The following CFAP54 variants were observed in gnomAD, a reference collection of about 807,000 sequenced individuals.
The protein encoded by CFAP54 is cilia- and flagella-associated protein 54.
Under a neutral mutation model 370.4 loss-of-function variants are expected in CFAP54, and 290 were observed. That is an observed-to-expected ratio of 0.78 (90% CI 0.71 to 0.86). The LOEUF (loss-of-function observed/expected upper bound fraction) is 0.86. Ranked by LOEUF, CFAP54 falls within the 40% of genes least tolerant of loss-of-function variation. CFAP54 has a pLI of 0.00. For missense variants in CFAP54, 3,399 were observed against 3,528.7 expected (o/e 0.96, Z 0.93); for synonymous variants, 1,206 against 1,236.5 (o/e 0.98, Z 0.52).
chr12:96,758,078 C>T (rs34481), intron 58 of CFAP54, among the ~76,000 whole-genome samples: 139,014 of 152,234 alleles, frequency 0.91, 63,724 homozygotes, highest in African/African-American at 0.98. Flanking sequence ...CAGGTACTCT[C>T]ATAGAGGAAG....
intron 39 of CFAP54, among the ~76,000 whole-genome samples, chr12:96,671,676 C>A (rs543183312): frequency 1.6e-4 from 25 of 152,082 alleles, no homozygotes; most frequent in African/African-American, 6.0e-4. Flanking sequence ...AATCCCAGCA[C>A]TTTGGGAGGC....
chr12:96,823,954 TC>T lies in CFAP54; in HGVS notation c.9097-5059del, dbSNP rs770873562. ...CTGGAAAGCAACTTAGGAAGTTTTT[TC>T]TCCCCCCACCCACATTATAGATGAA... On this transcript the variant is annotated intron_variant, in intron 65 of 67. Coordinates refer to ENST00000524981, the MANE Select transcript of CFAP54 (RefSeq NM_001306084.2). 7.6e-3 allele frequency among the ~76,000 whole-genome samples: 1,154 copies of T among 152,174 alleles called. 14 individuals are homozygous for T. The highest frequency in any genetic ancestry group is 0.026 in the African/African-American group (1,068 of 41,516).
intron 67 of CFAP54, among the ~76,000 whole-genome samples, chr12:96,874,716 G>A (rs1213255740): frequency 7.1e-6 from 1 of 141,502 alleles, no homozygotes; most frequent in African/African-American, 2.7e-5. Flanking sequence ...TGCAAGCTCC[G>A]CCTCCCGGGT....
chr12:96,744,759 A>G (rs985448747), intron 55 of CFAP54, among the ~76,000 whole-genome samples: 16 of 152,102 alleles, frequency 1.1e-4, no homozygotes, highest in Admixed American at 2.6e-4. Context: ...CAGGTTTGCT[A>G]TATAGGTAAA....
Position 96,846,341 on chromosome 12 carries a change from G to C in CFAP54, c.9172-14478G>C, listed in dbSNP as rs1959344549. ...AACTTGCATCAGGCCTCTACACCCT[G>C]TGCAGGTTATTGTAGAGTTGTTGGT... On this transcript the variant is annotated intron_variant, in intron 66 of 67. Coordinates refer to ENST00000524981, the MANE Select transcript of CFAP54 (RefSeq NM_001306084.2). 4.6e-5 allele frequency among the ~76,000 whole-genome samples: 7 copies of C among 152,246 alleles called. No individual in the cohort carries two copies. The South Asian group carries it at 1.5e-3, about 32-fold the overall frequency.
chr12:96,811,810 A>C lies in CFAP54; in HGVS notation c.8925A>C (p.Thr2975=), dbSNP rs1365213077. ...SDVRHSTYNS[T]CVGSLWIPLN... ...TTAGACATTCCACTTATAACAGTAC[A>C]TGTGTTGGCTCTTTATGGATTCCAC... The change falls in exon 64 of 68, where the codon ACA becomes ACC. Residue 2975 remains threonine (T), a synonymous_variant. Transcript: ENST00000524981. 2.0e-6 allele frequency: 3 copies of C among 1,518,794 alleles called. No individual in the cohort carries two copies. Among genetic ancestry groups the C allele is most frequent in the Non-Finnish European group, 2.6e-6 (3 of 1,140,286 alleles). The allele number at this position is 1,518,794 out of a possible 1,614,324, so 94.1% of individuals were successfully genotyped here. A position where few individuals can be genotyped will look rare whatever the true frequency, so the allele number is the denominator to read the frequency against.
intron 67 of CFAP54, among the ~76,000 whole-genome samples, chr12:96,873,577 C>T (rs540967211): frequency 6.6e-6 from 1 of 152,134 alleles, no homozygotes; most frequent in Non-Finnish European, 1.5e-5. Context: ...CATAGCAGTT[C>T]CAAGACACAT....
chr12:96,521,732 T>C, intron 6 of CFAP54, 125 bp from the exon 7 acceptor site: 2 of 618,964 alleles, frequency 3.2e-6, no homozygotes, highest in Non-Finnish European at 5.4e-6. Context: ...ATAAAAGGAG[T>C]CAGCATTAAC....
At chr12:96,499,059 A>G (rs373694980) in intron 1 of CFAP54, among the ~76,000 whole-genome samples, 21 of 152,130 alleles carry the variant, frequency 1.4e-4, no homozygotes, top group African/African-American at 2.7e-4. Flanking sequence ...GCTCACTGCA[A>G]TCTCCACCTC....
At chr12:96,798,840 C>A (rs1448240453) in intron 63 of CFAP54, among the ~76,000 whole-genome samples, 4 of 152,032 alleles carry the variant, frequency 2.6e-5, no homozygotes, top group African/African-American at 7.2e-5. Flanking sequence ...TTAAAGGCAC[C>A]TTTAATGTTT....
chr12:96,798,653 G>A (rs1028474666), intron 63 of CFAP54, among the ~76,000 whole-genome samples: 2 of 152,044 alleles, frequency 1.3e-5, no homozygotes, highest in Non-Finnish European at 2.9e-5. Flanking sequence ...GTGATCTTGA[G>A]TAGATTAGTT....
chr12:96,656,522 C>T (rs1956925139), intron 36 of CFAP54, among the ~76,000 whole-genome samples: 3 of 152,334 alleles, frequency 2.0e-5, no homozygotes, highest in Middle Eastern at 3.4e-3. Flanking sequence ...GCTGAGATTA[C>T]AGGCATGCGC....
chr12:96,503,479 G>A (rs192942092), intron 2 of CFAP54, among the ~76,000 whole-genome samples: 123 of 131,328 alleles, frequency 9.4e-4, no homozygotes, highest in Middle Eastern at 9.3e-3. Flanking sequence ...CTCGCTCTTC[G>A]TTTCTTTTCT....
intron 1 of CFAP54, among the ~76,000 whole-genome samples, chr12:96,494,648 C>A (rs1408662586): frequency 1.3e-5 from 2 of 152,000 alleles, no homozygotes; most frequent in Non-Finnish European, 1.5e-5. Flanking sequence ...CCAAAGGGAA[C>A]AAGAATAGCA....
intron 60 of CFAP54, among the ~76,000 whole-genome samples, chr12:96,779,527 T>A (rs1958560336): frequency 6.6e-6 from 1 of 152,054 alleles, no homozygotes. Flanking sequence ...ATGGAATTGC[T>A]GGTCATAAGA....
intron 60 of CFAP54, among the ~76,000 whole-genome samples, chr12:96,775,167 C>T (rs781135801): frequency 3.9e-5 from 6 of 152,122 alleles, no homozygotes; most frequent in Non-Finnish European, 7.4e-5. Context: ...CGGTGACTCA[C>T]GCCTGTAATC....
In CFAP54 at chr12:96,560,631, A is replaced by AT. The variant is rs547778846; in HGVS notation, c.2411-3835dup. On this transcript the variant is annotated intron_variant, in intron 17 of 67. Coordinates refer to ENST00000524981, the MANE Select transcript of CFAP54 (RefSeq NM_001306084.2). Reference sequence around the variant, plus strand: ...TAATCATGCAGGTGATGCTGTTTATATTCCATTGTATCACATTAGATTGCA... The same window carrying AT: ...TAATCATGCAGGTGATGCTGTTTATATTTCCATTGTATCACATTAGATTGCA... Among the ~76,000 whole-genome samples the AT allele has an allele frequency of 1.8e-4, 28 of 152,278 alleles. No homozygotes were observed. In the South Asian group the frequency reaches 5.4e-3, roughly 29 times the overall value.
At chr12:96,562,221 C>T (rs1203763193) in intron 17 of CFAP54, among the ~76,000 whole-genome samples, 2 of 152,020 alleles carry the variant, frequency 1.3e-5, no homozygotes, top group Admixed American at 6.6e-5. Context: ...TTGTTTTATC[C>T]TGGCAAATTA....
intron 66 of CFAP54, among the ~76,000 whole-genome samples, chr12:96,849,300 A>G (rs1959467548): frequency 6.6e-6 from 1 of 152,170 alleles, no homozygotes; most frequent in South Asian, 2.1e-4. Context: ...AAAGGAGGCA[A>G]AGTTAAATCC....
Sources: allele counts gnomAD v4.1 joint callset (sites outside exome capture counted in the v4.1 genomes callset), GRCh38; gene constraint gnomAD v4.1.1; transcripts MANE v1.5; gene names NCBI Gene and HGNC (gene_info 2026-07-23, HGNC 2026-07-21).